Variants in RHEB observed in about 807,000 individuals in gnomAD.
RHEB encodes the protein Ras homolog, mTORC1 binding.
RHEB carries 2 observed loss-of-function variants against 28.8 expected under a neutral mutation model. The ratio of observed to expected loss-of-function variants is 0.07; its 90% confidence interval spans 0.03 to 0.22. The LOEUF is 0.22. Ranked by LOEUF, RHEB falls within the 10% of genes least tolerant of loss-of-function variation. The probability of loss-of-function intolerance (pLI) is 1.00; values close to 1 mark genes in which losing one functional copy is unlikely to be tolerated. For synonymous variants in RHEB, 69 were observed against 77.3 expected, an observed-to-expected ratio of 0.89 and a Z score of 0.56; for missense variants, 76 against 219.9, an observed-to-expected ratio of 0.35 and a Z score of 4.14.
chr7:151,494,462 A>T (rs1802641154), intron 1 of RHEB, among the ~76,000 whole-genome samples: 1 of 152,256 alleles, frequency 6.6e-6, no homozygotes, highest in Non-Finnish European at 1.5e-5. Flanking sequence ...GAGTGAGAGA[A>T]GAGCTCCTTA....
chr7:151,493,084 A>G (rs1584858588), intron 1 of RHEB, among the ~76,000 whole-genome samples: 1 of 151,638 alleles, frequency 6.6e-6, no homozygotes, highest in Middle Eastern at 3.4e-3. Context: ...CTCATGATCC[A>G]CCCGCCTCGG....
rs539498377 is a variant in RHEB at position 151,469,695 on chromosome 7, A to G, written c.462+876T>C. Among the ~76,000 whole-genome samples, 4 of 152,336 alleles carry G rather than the reference A, an allele frequency of 2.6e-5. No individual in the cohort carries two copies. The South Asian group carries it at 8.3e-4, about 32-fold the overall frequency. ...CTATTTTAAACCGGAGGGGAGCATG[A>G]GGAAAGGTGAGACATTTTGAAAGTG... On this transcript the variant is annotated intron_variant, in intron 7 of 7. Coordinates refer to ENST00000262187, the MANE Select transcript of RHEB (RefSeq NM_005614.4).
chr7:151,480,950 C>T (rs560422256), intron 3 of RHEB, among the ~76,000 whole-genome samples: 33 of 152,226 alleles, frequency 2.2e-4, no homozygotes, highest in African/African-American at 5.8e-4. Flanking sequence ...TCCCAAAGTG[C>T]GGGGATTACA....
intron 1 of RHEB, among the ~76,000 whole-genome samples, chr7:151,515,309 A>G (rs1288151284): frequency 1.3e-5 from 2 of 152,198 alleles, no homozygotes; most frequent in African/African-American, 2.4e-5. Context: ...ATAGAAACAG[A>G]AAGATTAGTG....
chr7:151,474,979 T>A (rs184657587), intron 4 of RHEB, among the ~76,000 whole-genome samples: 87 of 152,354 alleles, frequency 5.7e-4, no homozygotes, highest in Middle Eastern at 3.4e-3. Context: ...GAATGCTCAT[T>A]AAACTATGAG....
intron 2 of RHEB, among the ~76,000 whole-genome samples, chr7:151,485,888 C>T (rs930460887): frequency 6.6e-6 from 1 of 152,116 alleles, no homozygotes; most frequent in Non-Finnish European, 1.5e-5. Flanking sequence ...AGATAACAGA[C>T]CACAGCATGA....
chr7:151,477,201 G>A (rs1013620467), intron 4 of RHEB, 132 bp downstream of exon 4: 3 of 667,772 alleles, frequency 4.5e-6, no homozygotes, highest in East Asian at 2.9e-5. Flanking sequence ...GTTGCTCCAC[G>A]AGAAAATCAC....
Position 151,477,340 on chromosome 7 carries a change from T to G in RHEB, c.268A>C (p.Ile90Leu). 1 of 1,560,018 alleles carries G rather than the reference T, an allele frequency of 6.4e-7. No individual in the cohort carries two copies. Among genetic ancestry groups the G allele is most frequent in the Non-Finnish European group, 8.8e-7 (1 of 1,134,866 alleles). The change falls in exon 4 of 8, where the codon ATC becomes CTC. Residue 90 changes from isoleucine to leucine, a missense_variant. Coordinates refer to ENST00000262187, the MANE Select transcript of RHEB (RefSeq NM_005614.4). ...AGGCAGCAGGAGTCTTACCTTTTGA[T>G]TGATGTAACAGAATACACAAGAATA... ...GYILVYSVTS[I>L]KSFEVIKVIH...
intron 2 of RHEB, among the ~76,000 whole-genome samples, chr7:151,489,847 C>G (rs1224181319): frequency 1.3e-5 from 2 of 152,210 alleles, no homozygotes; most frequent in Non-Finnish European, 2.9e-5. Flanking sequence ...TGTATAAAGA[C>G]AGGAAATGGG....
chr7:151,519,508 G>C lies in RHEB; in HGVS notation c.4C>G (p.Pro2Ala). Residue 2 changes from proline to alanine, a missense_variant, in exon 1 of 8, where the codon CCG (proline) becomes GCG (alanine). Pro to Ala is a conservative substitution (Grantham distance 27, BLOSUM62 -1). Transcript: ENST00000262187. ...GCGATCTTCCGGGACTTGGACTGCG[G>C]CATCTTGGCGGCCTCCTCAGCCCCG... MPQSKSRKIAIL... is the reference protein window; with the variant it reads MAQSKSRKIAIL... The C allele has an allele frequency of 6.4e-7, 1 of 1,554,010 alleles. No homozygotes were observed.
chr7:151,473,973 A>T (rs998407425), intron 4 of RHEB, among the ~76,000 whole-genome samples: 1 of 152,192 alleles, frequency 6.6e-6, no homozygotes, highest in African/African-American at 2.4e-5. Context: ...TTTCCCAAGC[A>T]TCTCACTCGG....
At chr7:151,488,543 T>C (rs1306946921) in intron 2 of RHEB, among the ~76,000 whole-genome samples, 1 of 152,258 alleles carries the variant, frequency 6.6e-6, no homozygotes, top group Non-Finnish European at 1.5e-5. Context: ...ACAATGTTTT[T>C]CTACCAAACA....
chr7:151,495,016 A>G (rs1802649623), intron 1 of RHEB, among the ~76,000 whole-genome samples: 1 of 152,170 alleles, frequency 6.6e-6, no homozygotes, highest in South Asian at 2.1e-4. Flanking sequence ...CGTAGTTCAG[A>G]TCTTTTGGTT....
intron 3 of RHEB, among the ~76,000 whole-genome samples, chr7:151,478,551 A>G (rs1226842422): frequency 3.3e-5 from 5 of 152,234 alleles, no homozygotes. Flanking sequence ...GAAACATAGA[A>G]AAAAGAAGTT....
intron 3 of RHEB, among the ~76,000 whole-genome samples, chr7:151,484,259 G>C (rs1316517429): frequency 6.6e-6 from 1 of 152,160 alleles, no homozygotes; most frequent in Non-Finnish European, 1.5e-5. Context: ...CAAAGAGAAA[G>C]AAAGCAACTA....
At chr7:151,480,129 A>G (rs1802356226) in intron 3 of RHEB, among the ~76,000 whole-genome samples, 3 of 152,272 alleles carry the variant, frequency 2.0e-5, no homozygotes, top group Admixed American at 1.3e-4. Flanking sequence ...TGGCAAGAAC[A>G]TGAACTGTAA....
chr7:151,494,212 A>T (rs941469378), intron 1 of RHEB, among the ~76,000 whole-genome samples: 4 of 152,236 alleles, frequency 2.6e-5, no homozygotes, highest in African/African-American at 9.6e-5. Flanking sequence ...AAAAATAGTG[A>T]AAGAGGGGCT....
At chr7:151,513,696 C>G (rs1039085247) in intron 1 of RHEB, among the ~76,000 whole-genome samples, 1 of 152,174 alleles carries the variant, frequency 6.6e-6, no homozygotes, top group Admixed American at 6.5e-5. Flanking sequence ...TCTTTGCAAA[C>G]TATCACTTAT....
intron 1 of RHEB, among the ~76,000 whole-genome samples, chr7:151,492,346 G>C (rs1376051504): frequency 2.0e-5 from 3 of 152,154 alleles, no homozygotes; most frequent in African/African-American, 4.8e-5. Flanking sequence ...CGGGTGTGGT[G>C]GCTCATGCTT....
Sources: allele counts gnomAD v4.1 joint callset (sites outside exome capture counted in the v4.1 genomes callset), GRCh38; gene constraint gnomAD v4.1.1; transcripts MANE v1.5; gene names NCBI Gene and HGNC (gene_info 2026-07-23, HGNC 2026-07-21).